CD2AP: variants seen among roughly 807,000 people sequenced by gnomAD.
CD2AP encodes the protein CD2-associated protein.
Under a neutral mutation model 85.1 loss-of-function variants are expected in CD2AP, and 46 were observed. That is an observed-to-expected ratio of 0.54 (90% CI 0.43 to 0.69). CD2AP has a LOEUF of 0.69. Among genes scored for constraint, CD2AP ranks in the 30% least tolerant of loss-of-function variants. CD2AP has a pLI of 0.00. For synonymous variants in CD2AP, 255 were observed against 252.9 expected (o/e 1.01, Z -0.08); for missense variants, 769 against 729.5 (o/e 1.05, Z -0.62).
intron 1 of CD2AP, among the ~76,000 whole-genome samples, chr6:47,496,541 C>T (rs1765861906): frequency 6.6e-6 from 1 of 152,152 alleles, no homozygotes; most frequent in Admixed American, 6.6e-5. Flanking sequence ...CAGATGTATG[C>T]AGTTATGTGG....
At chr6:47,620,506 CT>C (rs1481476402) in intron 17 of CD2AP, among the ~76,000 whole-genome samples, 1 of 152,002 alleles carries the variant, frequency 6.6e-6, no homozygotes, top group African/African-American at 2.4e-5. Flanking sequence ...GTTCTTTTTC[CT>C]TAGTCTTGCT....
intron 1 of CD2AP, among the ~76,000 whole-genome samples, chr6:47,486,405 G>A (rs1313515576): frequency 6.6e-6 from 1 of 152,120 alleles, no homozygotes; most frequent in African/African-American, 2.4e-5. Flanking sequence ...AAGTTAGTAT[G>A]TGAATCCATT....
rs867258121 is a variant in CD2AP, at chr6:47,574,643, A to G, written c.729+392A>G. ...TAGACCTAAAATGGACTGTTTTTAA[A>G]ATGGATTTAGAAAATATTAAATTAC... On this transcript the variant is annotated intron_variant, in intron 6 of 17. Transcript: ENST00000359314. 1.5e-4 allele frequency among the ~76,000 whole-genome samples: 22 copies of G among 150,786 alleles called. 1 individual carries two copies. The Middle Eastern group carries it at 0.028, about 194-fold the overall frequency.
At chr6:47,589,565 C>CATATATATATATATATATATATAT (rs1554182282) in intron 11 of CD2AP, among the ~76,000 whole-genome samples, 64 of 120,962 alleles carry the variant, frequency 5.3e-4, no homozygotes, top group African/African-American at 1.2e-3. Flanking sequence ...CACACACACA[C>CATATATATATATATATATATATAT]ATATATATAT....
chr6:47,614,504 G>A (rs1378623227), intron 17 of CD2AP, among the ~76,000 whole-genome samples: 9 of 152,122 alleles, frequency 5.9e-5, no homozygotes, highest in Admixed American at 4.6e-4. Context: ...TATCAATTAA[G>A]TTTGCTGTTT....
chr6:47,513,895 G>A (rs77634857), intron 2 of CD2AP, among the ~76,000 whole-genome samples: 5 of 148,892 alleles, frequency 3.4e-5, no homozygotes, highest in South Asian at 2.1e-4. Flanking sequence ...TTTTTTTTGG[G>A]GGGGGGGCTA....
chr6:47,594,364 T>A (rs1178541294), intron 11 of CD2AP, among the ~76,000 whole-genome samples: 1 of 152,102 alleles, frequency 6.6e-6, no homozygotes, highest in Non-Finnish European at 1.5e-5. Flanking sequence ...TTATAGTTGA[T>A]TTAGTTATGG....
chr6:47,527,532 A>G lies in CD2AP; in HGVS notation c.166-6070A>G, dbSNP rs79430125. On this transcript the variant is annotated intron_variant, in intron 2 of 17. Coordinates refer to ENST00000359314, the MANE Select transcript of CD2AP (RefSeq NM_012120.3). ...TTTCAGTCCTTTCCTGAAGGAGGTA[A>G]GTTTCATATAAAGTAGATTCTTATT... Among the ~76,000 whole-genome samples the G allele has an allele frequency of 7.2e-5, 11 of 152,342 alleles. No individual in the cohort carries two copies. In the East Asian group the frequency reaches 2.1e-3, roughly 29 times the overall value.
chr6:47,480,940 A>G (rs1229291088), intron 1 of CD2AP, among the ~76,000 whole-genome samples: 2 of 152,138 alleles, frequency 1.3e-5, no homozygotes, highest in Non-Finnish European at 2.9e-5. Context: ...GCTTAGGAAA[A>G]ACTCTTAAGT....
intron 3 of CD2AP, among the ~76,000 whole-genome samples, chr6:47,543,009 G>T (rs540825657): frequency 6.6e-6 from 1 of 151,854 alleles, no homozygotes; most frequent in Non-Finnish European, 1.5e-5. Context: ...AAATTAGCTG[G>T]GCGTGGTGGC....
At chr6:47,499,307 A>ATGTG (rs34508069) in intron 1 of CD2AP, among the ~76,000 whole-genome samples, 5,730 of 150,320 alleles carry the variant, frequency 0.038, 327 homozygotes, top group Admixed American at 0.15. Flanking sequence ...GTGTATGTGC[A>ATGTG]TGTGTGTGTG....
intron 1 of CD2AP, among the ~76,000 whole-genome samples, chr6:47,486,599 C>T (rs1363417462): frequency 1.3e-5 from 2 of 152,108 alleles, no homozygotes; most frequent in Non-Finnish European, 2.9e-5. Flanking sequence ...ATTTTTTCCT[C>T]CACTTCTGGC....
intron 2 of CD2AP, among the ~76,000 whole-genome samples, chr6:47,521,265 T>C (rs1230740121): frequency 1.3e-5 from 2 of 152,134 alleles, no homozygotes; most frequent in Admixed American, 1.3e-4. Context: ...AGAAGTGGCA[T>C]AGTAGGCCAG....
Position 47,606,160 on chromosome 6 carries a change from T to A in CD2AP, c.1418-5T>A, listed in dbSNP as rs1420207915. The stretch of plus-strand genomic sequence containing the variant: ...TAGTAAATAATGTTTATTTTTATTT[T>A]CTAGATGTTGTAAATTTTGATGACA... On this transcript the variant is annotated splice_polypyrimidine_tract_variant and splice_region_variant and intron_variant, in intron 13 of 17. Transcript: ENST00000359314. 1 of 1,424,686 alleles carries A rather than the reference T, an allele frequency of 7.0e-7. No homozygotes were observed. The highest frequency in any genetic ancestry group is 9.9e-7 in the Non-Finnish European group (1 of 1,007,816). 88.3% of individuals were successfully genotyped at this position (1,424,686 alleles called of 1,614,324 possible). A position where few individuals can be genotyped will look rare whatever the true frequency, so the allele number is the denominator to read the frequency against.
intron 17 of CD2AP, among the ~76,000 whole-genome samples, chr6:47,613,508 C>CAT (rs1769501357): frequency 6.8e-6 from 1 of 147,112 alleles, no homozygotes; most frequent in African/African-American, 2.5e-5. Context: ...AAAAATAATC[C>CAT]TTTTTTTTTT....
rs182242067 is a variant in CD2AP at position 47,533,901 on chromosome 6, T to G, written c.319+146T>G. ...AGTCTCATGTTACTAGTTATTGCCC[T>G]GTGTAGTCAATCTTAATTTTTAGTC... is the stretch of plus-strand genomic sequence containing the variant. On this transcript the variant is annotated intron_variant, in intron 3 of 17. Coordinates refer to ENST00000359314, the MANE Select transcript of CD2AP (RefSeq NM_012120.3). 4.9e-4 allele frequency: 356 copies of G among 721,418 alleles called. 1 individual carries two copies. The highest frequency in any genetic ancestry group is 7.6e-4 in the Non-Finnish European group (337 of 445,616). 44.7% of individuals were successfully genotyped at this position (721,418 alleles called of 1,614,324 possible).
In CD2AP at chr6:47,481,505, C is replaced by G. The variant is rs752936134; in HGVS notation, c.4+3257C>G. ...GGATTACAGGTGTGTGCCACCATGC[C>G]CAGCTAATTTTTGCATTTTTAGTAG... On this transcript the variant is annotated intron_variant, in intron 1 of 17. Coordinates refer to ENST00000359314, the MANE Select transcript of CD2AP (RefSeq NM_012120.3). Among the ~76,000 whole-genome samples, 10 of 152,142 alleles carry G rather than the reference C, an allele frequency of 6.6e-5. No individual in the cohort carries two copies. The South Asian group carries it at 8.3e-4, about 13-fold the overall frequency.
chr6:47,610,971 A>ATATATATATATATATT, intron 16 of CD2AP, among the ~76,000 whole-genome samples: 25 of 112,862 alleles, frequency 2.2e-4, no homozygotes, highest in East Asian at 4.8e-4. Context: ...ATATATATGT[A>ATATATATATATATATT]TTTTTTTTTT....
intron 5 of CD2AP, among the ~76,000 whole-genome samples, chr6:47,558,797 G>GC (rs1469066266): frequency 1.3e-5 from 2 of 152,016 alleles, no homozygotes; most frequent in Non-Finnish European, 1.5e-5. Context: ...TTTTTGTTGT[G>GC]TCCGTGCCAA....
Sources: allele counts gnomAD v4.1 joint callset (sites outside exome capture counted in the v4.1 genomes callset), GRCh38; gene constraint gnomAD v4.1.1; transcripts MANE v1.5; gene names NCBI Gene and HGNC (gene_info 2026-07-23, HGNC 2026-07-21).